Variants in FBN2 observed in about 807,000 individuals in gnomAD.
FBN2 encodes fibrillin-2.
Under a neutral mutation model 355.6 loss-of-function variants are expected in FBN2, and 105 were observed. The ratio of observed to expected loss-of-function variants is 0.30; its 90% CI spans 0.25 to 0.35. FBN2 has a LOEUF of 0.35. FBN2 is among the 10% of genes least tolerant of loss of function. FBN2 has a pLI of 1.00. For synonymous variants in FBN2, 1,350 were observed against 1,301.2 expected (o/e 1.04, Z -0.81); for missense variants, 3,280 against 3,758.7 (o/e 0.87, Z 3.33).
intron 7 of FBN2, among the ~76,000 whole-genome samples, chr5:128,437,513 A>G (rs1753798996): frequency 6.6e-6 from 1 of 152,258 alleles, no homozygotes; most frequent in South Asian, 2.1e-4. Context: ...ATACAAAGTG[A>G]TGGTTATATG....
At chr5:128,286,180 C>T (rs1006650388) in intron 55 of FBN2, among the ~76,000 whole-genome samples, 5 of 152,190 alleles carry the variant, frequency 3.3e-5, no homozygotes, top group South Asian at 2.1e-4. Context: ...TTATTAAGTA[C>T]TATATTTGAA....
At chr5:128,444,694 G>A (rs1162949668) in intron 7 of FBN2, among the ~76,000 whole-genome samples, 2 of 152,202 alleles carry the variant, frequency 1.3e-5, no homozygotes, top group African/African-American at 4.8e-5. Context: ...ATAGGCAAGT[G>A]GTGAATAAAG....
chr5:128,369,115 T>C (rs1751860072), intron 16 of FBN2, 67 bp downstream of exon 16: 2 of 1,502,554 alleles, frequency 1.3e-6, no homozygotes, highest in Non-Finnish European at 1.9e-6. Flanking sequence ...GATGTTCTCT[T>C]TGGCCAAACA....
intron 8 of FBN2, among the ~76,000 whole-genome samples, chr5:128,398,903 C>A (rs373354978): frequency 1.3e-5 from 2 of 152,188 alleles, no homozygotes; most frequent in Non-Finnish European, 2.9e-5. Flanking sequence ...TCTGCCACCA[C>A]GTGAGTCGTG....
chr5:128,269,975 T>C (rs1366698067), intron 62 of FBN2, among the ~76,000 whole-genome samples: 1 of 152,082 alleles, frequency 6.6e-6, no homozygotes, highest in Non-Finnish European at 1.5e-5. Context: ...CAAAACAACA[T>C]GGTGCTGGTA....
chr5:128,309,655 C>A (rs1355929434), intron 40 of FBN2, among the ~76,000 whole-genome samples: 1 of 151,986 alleles, frequency 6.6e-6, no homozygotes, highest in Non-Finnish European at 1.5e-5. Flanking sequence ...CTCTCAAAAT[C>A]ATTTATTTAA....
intron 15 of FBN2, among the ~76,000 whole-genome samples, chr5:128,373,653 A>G (rs1752005839): frequency 6.6e-6 from 1 of 152,192 alleles, no homozygotes; most frequent in African/African-American, 2.4e-5. Flanking sequence ...AGCCTCATGA[A>G]AACATTTTTG....
chr5:128,297,408 C>T (rs186687895), intron 48 of FBN2, among the ~76,000 whole-genome samples: 21 of 152,210 alleles, frequency 1.4e-4, no homozygotes, highest in Admixed American at 9.8e-4. Context: ...CCTTCTGTCT[C>T]GTTGATCTGT....
In FBN2 at chr5:128,490,630, C is replaced by T. The variant is rs116693288; in HGVS notation, c.629-25709G>A. On this transcript the variant is annotated intron_variant, in intron 5 of 64. Transcript: ENST00000262464. ...TCCCCAAGGGACACATATTTTATTT[C>T]GAATTCTATCCATTTACCTCCAGTT... Among the ~76,000 whole-genome samples the T allele has an allele frequency of 6.9e-3, 1,043 of 152,244 alleles. 11 individuals are homozygous for T. The highest frequency in any genetic ancestry group is 0.023 in the African/African-American group (976 of 41,560).
In FBN2 at chr5:128,513,048, T is replaced by C. The variant is rs574004609; in HGVS notation, c.628+6225A>G. On this transcript the variant is annotated intron_variant, in intron 5 of 64. Coordinates refer to ENST00000262464, the MANE Select transcript of FBN2 (RefSeq NM_001999.4). ...GCTTTGATTTTGACTACAGCCTGTG[T>C]TCTAAAAATACAACAAGTAACACTT... Among the ~76,000 whole-genome samples, 4 of 152,324 alleles carry C rather than the reference T, an allele frequency of 2.6e-5. No homozygotes were observed. The East Asian group carries it at 5.8e-4, about 22-fold the overall frequency.
intron 39 of FBN2, among the ~76,000 whole-genome samples, chr5:128,310,402 A>ATATATATAT (rs1475271868): frequency 4.3e-4 from 10 of 23,284 alleles, no homozygotes; most frequent in South Asian, 1.4e-3. Context: ...ATATATATAT[A>ATATATATAT]TTTTTTTTTT....
At chr5:128,325,264 A>C (rs548720164) in intron 34 of FBN2, among the ~76,000 whole-genome samples, 4 of 152,216 alleles carry the variant, frequency 2.6e-5, no homozygotes, top group Non-Finnish European at 5.9e-5. Flanking sequence ...GGTCTCTAAG[A>C]ACTTGCTTTA....
intron 25 of FBN2, among the ~76,000 whole-genome samples, chr5:128,340,804 T>G (rs1013098872): frequency 1.3e-5 from 2 of 151,550 alleles, no homozygotes; most frequent in African/African-American, 4.8e-5. Context: ...GTGCTCTCTC[T>G]TTCTCTCTCT....
chr5:128,302,747 A>AT (rs1475819768), intron 46 of FBN2, among the ~76,000 whole-genome samples: 1 of 152,168 alleles, frequency 6.6e-6, no homozygotes, highest in Non-Finnish European at 1.5e-5. Context: ...TCCTGAAATG[A>AT]TTGGCTGATT....
At chr5:128,351,661 C>T (rs1047577683) in intron 20 of FBN2, among the ~76,000 whole-genome samples, 2 of 151,942 alleles carry the variant, frequency 1.3e-5, no homozygotes, top group African/African-American at 4.8e-5. Flanking sequence ...CTATGTATCT[C>T]TCTCACATAA....
chr5:128,374,587 T>C, intron 15 of FBN2, 41 bp downstream of exon 15: 2 of 1,613,454 alleles, frequency 1.2e-6, no homozygotes, highest in East Asian at 2.2e-5. Context: ...TTTTCAAAGA[T>C]CATTTTGCAC....
At chr5:128,351,863 G>A (rs1006222984) in intron 20 of FBN2, among the ~76,000 whole-genome samples, 2 of 149,496 alleles carry the variant, frequency 1.3e-5, no homozygotes, top group African/African-American at 2.4e-5. Flanking sequence ...AGTGCGCCCC[G>A]CCCTTCTTTT....
At chr5:128,377,631 C>A in intron 13 of FBN2, 121 bp downstream of exon 13, 1 of 1,044,308 alleles carries the variant, frequency 9.6e-7, no homozygotes, top group East Asian at 2.4e-5. Context: ...TGCATTTTAC[C>A]TAAGTTACCT....
intron 11 of FBN2, 59 bp from the exon 12 acceptor site, chr5:128,378,949 A>C (rs544427472): frequency 6.2e-7 from 1 of 1,601,754 alleles, no homozygotes; most frequent in African/African-American, 1.3e-5. Context: ...ATGTTTGTTT[A>C]AAGTACATTT....
Sources: gnomAD v4.1 joint callset for allele counts (sites outside exome capture counted in the v4.1 genomes callset) on GRCh38, gnomAD v4.1.1 for gene constraint, MANE v1.5 for transcripts, NCBI Gene and HGNC (gene_info 2026-07-23, HGNC 2026-07-21) for gene names.